Variants in ST8SIA1 observed in about 807,000 individuals in gnomAD.
ST8SIA1 encodes ST8 alpha-N-acetyl-neuraminide alpha-2,8-sialyltransferase 1.
ST8SIA1 carries 16 observed loss-of-function variants against 35.9 expected under a neutral mutation model. The ratio of observed to expected loss-of-function variants is 0.45; its 90% CI spans 0.30 to 0.68. The LOEUF (loss-of-function observed/expected upper bound fraction) is 0.68. ST8SIA1 is among the 30% of genes least tolerant of loss of function. The pLI is 0.09. For missense variants in ST8SIA1, 383 were observed against 453.6 expected, an observed-to-expected ratio of 0.84 and a Z score of 1.41; for synonymous variants, 170 against 169.6, an observed-to-expected ratio of 1.00 and a Z score of -0.02.
chr12:22,325,706 A>G, intron 1 of ST8SIA1: 1 of 615,468 alleles, frequency 1.6e-6, no homozygotes, highest in Non-Finnish European at 2.9e-6. Flanking sequence ...CTATACATAC[A>G]TGCCTATGAT....
chr12:22,285,271 A>G (rs73251929), intron 2 of ST8SIA1, among the ~76,000 whole-genome samples: 3,048 of 152,308 alleles, frequency 0.02, 112 homozygotes, highest in African/African-American at 0.07. Flanking sequence ...TTGTGGCCAC[A>G]CTAACAGCAA....
At position 22,334,244 on chromosome 12, in the gene ST8SIA1, C is replaced by A. The variant is rs759623589; in HGVS notation, c.-12G>T. On this transcript the variant is annotated 5_prime_UTR_variant, in exon 1 of 5. Transcript: ENST00000396037. ...CCGCAGGGGCTCATCGCAGCCCCGG[C>A]GTCCCAGGGGCGGGGGCCGGGGCCT... The A allele has an allele frequency of 1.2e-6, 2 of 1,606,248 alleles. No homozygotes were observed. The highest frequency in any genetic ancestry group is 2.7e-5 in the African/African-American group (2 of 74,798).
Position 22,201,539 on chromosome 12 carries a change from T to C in ST8SIA1, c.*13A>G. On this transcript the variant is annotated 3_prime_UTR_variant, in exon 5 of 5. Coordinates refer to ENST00000396037, the MANE Select transcript of ST8SIA1 (RefSeq NM_003034.4). ...AAAATACCCTGGTTCAGTCCTTTCT[T>C]CTTCCATTGTTCCTAGGAAGTGGGC... 6.3e-7 allele frequency: 1 copy of C among 1,585,000 alleles called. No homozygotes were observed. The highest frequency in any genetic ancestry group is 2.2e-5 in the East Asian group (1 of 44,744).
intron 3 of ST8SIA1, among the ~76,000 whole-genome samples, chr12:22,249,673 G>T (rs1043610290): frequency 6.6e-6 from 1 of 152,070 alleles, no homozygotes; most frequent in African/African-American, 2.4e-5. Context: ...AGCCAAAGGG[G>T]CAAATTATCT....
intron 1 of ST8SIA1, among the ~76,000 whole-genome samples, chr12:22,297,745 T>A (rs1177148590): frequency 6.6e-6 from 1 of 152,134 alleles, no homozygotes; most frequent in East Asian, 1.9e-4. Context: ...TTTGTGAAAT[T>A]ATGAAATATA....
rs1157064663 is a variant in ST8SIA1, at chr12:22,197,656, T to TA, written c.*3895dup. 6.6e-6 allele frequency: 1 copy of TA among 152,248 alleles called. No homozygotes were observed. Among genetic ancestry groups the TA allele is most frequent in the Non-Finnish European group, 1.5e-5 (1 of 68,034 alleles). The allele number at this position is 152,248 out of a possible 1,614,324, so 9.4% of individuals were successfully genotyped here. On this transcript the variant is annotated 3_prime_UTR_variant, in exon 5 of 5. Coordinates refer to ENST00000396037, the MANE Select transcript of ST8SIA1 (RefSeq NM_003034.4). ...AATCCAAGGGTATTTTTGGCAAATTTAAAATCCCAGGATTTTTTCAGTTAT... is the reference window on the plus strand; with the variant it reads ...AATCCAAGGGTATTTTTGGCAAATTTAAAAATCCCAGGATTTTTTCAGTTAT...
At position 22,249,117 on chromosome 12, in the gene ST8SIA1, A is replaced by G. The variant is rs1278616358; in HGVS notation, c.492-19T>C. The G allele has an allele frequency of 1.3e-6, 2 of 1,508,838 alleles. No homozygotes were observed. Among genetic ancestry groups the G allele is most frequent in the Middle Eastern group, 1.7e-4 (1 of 5,882 alleles). The allele number at this position is 1,508,838 out of a possible 1,614,324, so 93.5% of individuals were successfully genotyped here. ...ATTGCATCTAGAGAAACAAGAACAA[A>G]CATTTTGGAACAATTTGCATAGTTT... is the stretch of plus-strand genomic sequence containing the variant. On this transcript the variant is annotated intron_variant, in intron 3 of 4. Transcript: ENST00000396037.
intron 1 of ST8SIA1, among the ~76,000 whole-genome samples, chr12:22,328,274 G>T (rs1182685395): frequency 1.3e-5 from 2 of 152,308 alleles, no homozygotes; most frequent in Non-Finnish European, 2.9e-5. Context: ...GACCAATTGG[G>T]TGGCTATCTG....
chr12:22,199,274 G>A lies in ST8SIA1; in HGVS notation c.*2278C>T, dbSNP rs1266551796. The A allele has an allele frequency of 6.6e-6, 1 of 151,036 alleles. No individual in the cohort carries two copies. Among genetic ancestry groups the A allele is most frequent in the Non-Finnish European group, 1.5e-5 (1 of 67,896 alleles). The allele number at this position is 151,036 out of a possible 1,614,324, so 9.4% of individuals were successfully genotyped here. On this transcript the variant is annotated 3_prime_UTR_variant, in exon 5 of 5. Transcript: ENST00000396037. ...GGGTTTAAGAGATTCTAGTCCAGAT[G>A]ATATTTTCAATGGAACTGTGATGTA... is the stretch of plus-strand genomic sequence containing the variant.
intron 4 of ST8SIA1, among the ~76,000 whole-genome samples, chr12:22,228,124 T>C (rs1033249139): frequency 1.3e-5 from 2 of 152,218 alleles, no homozygotes; most frequent in Non-Finnish European, 2.9e-5. Flanking sequence ...AGTATGGTTG[T>C]CAAGTGGATG....
chr12:22,214,531 A>C (rs1204868547), intron 4 of ST8SIA1, among the ~76,000 whole-genome samples: 2 of 152,090 alleles, frequency 1.3e-5, no homozygotes, highest in Non-Finnish European at 2.9e-5. Context: ...AAAAGAAAAA[A>C]AATAATGTTA....
chr12:22,210,309 A>G (rs1275550414), intron 4 of ST8SIA1, among the ~76,000 whole-genome samples: 1 of 152,190 alleles, frequency 6.6e-6, no homozygotes, highest in Non-Finnish European at 1.5e-5. Flanking sequence ...ATAAAGCTGA[A>G]AAAAAATGGT....
intron 2 of ST8SIA1, among the ~76,000 whole-genome samples, chr12:22,259,639 T>G (rs1865765629): frequency 6.6e-6 from 1 of 152,100 alleles, no homozygotes; most frequent in Admixed American, 6.6e-5. Flanking sequence ...CTAATTTTTT[T>G]GTATTTTTAG....
chr12:22,209,055 T>C (rs1195486381), intron 4 of ST8SIA1, among the ~76,000 whole-genome samples: 1 of 152,056 alleles, frequency 6.6e-6, no homozygotes, highest in South Asian at 2.1e-4. Context: ...CAAAAGACAA[T>C]GTAAACATGA....
chr12:22,236,013 G>A (rs1865472984), intron 4 of ST8SIA1, among the ~76,000 whole-genome samples: 2 of 152,058 alleles, frequency 1.3e-5, no homozygotes, highest in African/African-American at 4.8e-5. Flanking sequence ...AGAATTAAGG[G>A]GAAATAATTT....
Position 22,201,360 on chromosome 12 carries a change from A to G in ST8SIA1, c.*192T>C. 1 of 670,654 alleles carries G rather than the reference A, an allele frequency of 1.5e-6. No homozygotes were observed. Among genetic ancestry groups the G allele is most frequent in the Non-Finnish European group, 2.4e-6 (1 of 418,912 alleles). 41.5% of individuals were successfully genotyped at this position (670,654 alleles called of 1,614,324 possible). ...TGCCATGTGCTATAAAGTATTTCATAGGATGTTTCATTTCTTATTTGTCCT... is the reference window on the plus strand; with the variant it reads ...TGCCATGTGCTATAAAGTATTTCATGGGATGTTTCATTTCTTATTTGTCCT... On this transcript the variant is annotated 3_prime_UTR_variant, in exon 5 of 5. Coordinates refer to ENST00000396037, the MANE Select transcript of ST8SIA1 (RefSeq NM_003034.4).
chr12:22,331,718 T>C lies in ST8SIA1; in HGVS notation c.236+2279A>G, dbSNP rs1235281422. Among the ~76,000 whole-genome samples the C allele has an allele frequency of 3.9e-5, 6 of 152,212 alleles. No homozygotes were observed. The East Asian group carries it at 1.2e-3, about 29-fold the overall frequency. On this transcript the variant is annotated intron_variant, in intron 1 of 4. Coordinates refer to ENST00000396037, the MANE Select transcript of ST8SIA1 (RefSeq NM_003034.4). ...AAATAATTAACTCAAACCATGAAAC[T>C]TCTCCTACCTTTCAAAATGTCTTGT...
At chr12:22,259,289 G>GTT (rs141759261) in intron 2 of ST8SIA1, among the ~76,000 whole-genome samples, 3 of 151,486 alleles carry the variant, frequency 2.0e-5, no homozygotes, top group African/African-American at 4.9e-5. Flanking sequence ...AAAGTCCAGG[G>GTT]GTTTTTTTAA....
chr12:22,209,725 T>C (rs1267782848), intron 4 of ST8SIA1, among the ~76,000 whole-genome samples: 1 of 152,334 alleles, frequency 6.6e-6, no homozygotes, highest in East Asian at 1.9e-4. Flanking sequence ...ACCTACTCTC[T>C]CATCTTTGTT....
Sources: allele counts gnomAD v4.1 joint callset (sites outside exome capture counted in the v4.1 genomes callset), GRCh38; gene constraint gnomAD v4.1.1; transcripts MANE v1.5; gene names NCBI Gene and HGNC (gene_info 2026-07-23, HGNC 2026-07-21).